Variants in PITRM1 observed in about 807,000 individuals in gnomAD.
PITRM1 encodes the protein pitrilysin metallopeptidase 1.
A neutral mutation model predicts 129.9 loss-of-function variants in PITRM1; 100 were observed. The observed-to-expected ratio is 0.77, with a 90% confidence interval of 0.65 to 0.91. The LOEUF (loss-of-function observed/expected upper bound fraction) is 0.91. Among genes scored for constraint, PITRM1 ranks in the 40% least tolerant of loss-of-function variants. The pLI is 0.00. For missense variants in PITRM1, 1,471 were observed against 1,318.3 expected (o/e 1.12, Z -1.79); for synonymous variants, 591 against 508.8 (o/e 1.16, Z -2.17).
chr10:3,162,470 G>A (rs1842534500), intron 7 of PITRM1, among the ~76,000 whole-genome samples: 1 of 152,160 alleles, frequency 6.6e-6, no homozygotes, highest in Non-Finnish European at 1.5e-5. Flanking sequence ...ATTATCACAG[G>A]ACACCAGAAA....
intron 2 of PITRM1, 54 bp downstream of exon 2, chr10:3,170,050 G>T: frequency 1.5e-6 from 2 of 1,344,918 alleles, no homozygotes; most frequent in Non-Finnish European, 2.1e-6. Context: ...TAGGCCAGAA[G>T]CCGCACCTGC....
chr10:3,172,590 G>A (rs1843482150), intron 1 of PITRM1, 127 bp downstream of exon 1: 2 of 844,852 alleles, frequency 2.4e-6, no homozygotes, highest in East Asian at 3.0e-5. Context: ...CGGGGTGCGG[G>A]ACGCCCACAG....
Position 3,157,468 on chromosome 10 carries a change from A to G in PITRM1, c.1314T>C (p.His438=). The G allele has an allele frequency of 6.2e-7, 1 of 1,611,188 alleles. No homozygotes were observed. The highest frequency in any genetic ancestry group is 8.5e-7 in the Non-Finnish European group (1 of 1,178,440). ...GCATCAGCCCAAAGCTGGTAGACTG[A>G]TGTTTCATCTGTATTTCAATTTTAT... The part of the protein sequence containing the change: ...LLHKIEIQMK[H]QSTSFGLMLT... The change falls in exon 12 of 27, where the codon CAT becomes CAC. Residue 438 remains histidine (H), a synonymous_variant. Transcript: ENST00000224949.
At chr10:3,168,241 A>G (rs1040946083) in intron 2 of PITRM1, among the ~76,000 whole-genome samples, 3 of 152,184 alleles carry the variant, frequency 2.0e-5, no homozygotes, top group Non-Finnish European at 4.4e-5. Flanking sequence ...TATGACCTGC[A>G]TCATCTACCG....
chr10:3,148,139 A>G (rs367993641), intron 17 of PITRM1, 32 bp downstream of exon 17: 1 of 1,613,768 alleles, frequency 6.2e-7, no homozygotes, highest in Non-Finnish European at 8.5e-7. Context: ...AAAGCTTCCC[A>G]CCGCAGCAGT....
At chr10:3,164,681 T>C (rs1221160041) in intron 6 of PITRM1, among the ~76,000 whole-genome samples, 1 of 152,248 alleles carries the variant, frequency 6.6e-6, no homozygotes, top group Non-Finnish European at 1.5e-5. Context: ...TTTTTCTATA[T>C]TCTAAATTAA....
At chr10:3,144,058 C>G (rs1023010961) in intron 22 of PITRM1, 6 of 585,594 alleles carry the variant, frequency 1.0e-5, no homozygotes, top group Non-Finnish European at 1.8e-5. Flanking sequence ...GCACCCCATA[C>G]CAGGGCCCTC....
At chr10:3,166,087 T>C (rs893480361) in intron 4 of PITRM1, 142 bp downstream of exon 4, 2 of 609,968 alleles carry the variant, frequency 3.3e-6, no homozygotes, top group South Asian at 5.5e-5. Flanking sequence ...AAATTTCTAA[T>C]GTCCTTCAAC....
Position 3,143,415 on chromosome 10 carries a change from G to A in PITRM1, c.2619C>T (p.Val873=). 1 of 1,612,204 alleles carries A rather than the reference G, an allele frequency of 6.2e-7. No homozygotes were observed. Residue 873 remains valine (V), a synonymous_variant, in exon 23 of 27, where the codon GTC becomes GTT. Coordinates refer to ENST00000224949, the MANE Select transcript of PITRM1 (RefSeq NM_014889.4). ...TGGCATGATCTGGGTCCGTGTAGGG[G>A]ACAGTTCGGATGCATTCACCCACGT... The part of the protein sequence containing the change: ...VNYVGECIRT[V]PYTDPDHASL...
chr10:3,160,109 C>T, intron 8 of PITRM1, 95 bp downstream of exon 8: 1 of 1,384,730 alleles, frequency 7.2e-7, no homozygotes, highest in East Asian at 2.4e-5. Context: ...CTGTACCAAA[C>T]ATGACAGCAT....
chr10:3,147,535 A>C (rs1209323420), intron 19 of PITRM1, 37 bp downstream of exon 19: 2 of 1,598,642 alleles, frequency 1.3e-6, no homozygotes, highest in Non-Finnish European at 1.7e-6. Flanking sequence ...ATATGTGGCT[A>C]AACCGGAGTA....
At position 3,149,942 on chromosome 10, in the gene PITRM1, C is replaced by T. The variant is rs80099368; in HGVS notation, c.1739-189G>A. On this transcript the variant is annotated intron_variant, in intron 15 of 26. Coordinates refer to ENST00000224949, the MANE Select transcript of PITRM1 (RefSeq NM_014889.4). ...GGAACTGTCTTCAATAGTAAAGCAACCCGTGCTCTCCAAGGAATGGGAACG... is the reference window on the plus strand; with the variant it reads ...GGAACTGTCTTCAATAGTAAAGCAATCCGTGCTCTCCAAGGAATGGGAACG... 6.9e-3 allele frequency among the ~76,000 whole-genome samples: 1,052 copies of T among 152,258 alleles called. 5 individuals carry two copies. Among genetic ancestry groups the T allele is most frequent in the Middle Eastern group, 0.031 (9 of 294 alleles).
intron 13 of PITRM1, among the ~76,000 whole-genome samples, chr10:3,156,447 C>T (rs938279300): frequency 6.6e-6 from 1 of 152,190 alleles, no homozygotes; most frequent in Non-Finnish European, 1.5e-5. Context: ...AGTTTCCCTT[C>T]ACAGCAGACA....
chr10:3,147,974 C>A lies in PITRM1; in HGVS notation c.2069+13G>T, dbSNP rs59486411. ...ACACCCCAAGAATGGACAACTCTTG[C>A]AAATAAAGTTACTTGTTAAATATTT... On this transcript the variant is annotated intron_variant, in intron 18 of 26. Coordinates refer to ENST00000224949, the MANE Select transcript of PITRM1 (RefSeq NM_014889.4). The A allele has an allele frequency of 0.17, 268,204 of 1,592,552 alleles. 23,684 individuals are homozygous for A. The highest frequency in any genetic ancestry group is 0.18 in the Non-Finnish European group (208,995 of 1,160,394).
At chr10:3,141,925 G>A (rs1306726500) in intron 23 of PITRM1, among the ~76,000 whole-genome samples, 1 of 152,194 alleles carries the variant, frequency 6.6e-6, no homozygotes, top group Non-Finnish European at 1.5e-5. Context: ...GACCCTGGGG[G>A]ACGGAGTCTC....
intron 7 of PITRM1, among the ~76,000 whole-genome samples, 167 bp from the exon 8 acceptor site, chr10:3,160,497 C>A (rs936220975): frequency 6.6e-6 from 1 of 152,138 alleles, no homozygotes; most frequent in Admixed American, 6.5e-5. Context: ...CACGGTACTT[C>A]GAGAGACCAA....
At chr10:3,164,343 T>TG (rs1021568961) in intron 6 of PITRM1, 1 of 152,892 alleles carries the variant, frequency 6.5e-6, no homozygotes, top group Non-Finnish European at 1.5e-5. Flanking sequence ...AGGCCACCCA[T>TG]GAGCCTCAGG....
intron 1 of PITRM1, among the ~76,000 whole-genome samples, chr10:3,170,800 A>G (rs1028217787): frequency 3.9e-5 from 6 of 152,090 alleles, no homozygotes; most frequent in Non-Finnish European, 4.4e-5. Context: ...GTTCGAGACC[A>G]GCCTGGCCAA....
rs747777908 is a variant in PITRM1 at position 3,158,938 on chromosome 10, C to A, written c.1112G>T (p.Gly371Val). 2.5e-6 allele frequency: 4 copies of A among 1,613,400 alleles called. No individual in the cohort carries two copies. The South Asian group carries it at 4.4e-5, about 18-fold the overall frequency. ...CCCAACATCAGGAGAAAAGTCTGTG[C>A]CAAGGCCAGATTCAATCAAGGCTTT... Reference protein sequence around the residue: ...FYKALIESGLGTDFSPDVGYN... With the variant: ...FYKALIESGLVTDFSPDVGYN... The change falls in exon 10 of 27, where the codon GGC becomes GTC. Residue 371 changes from glycine to valine, a missense_variant. Transcript: ENST00000224949.
Sources: gnomAD v4.1 joint callset for allele counts (sites outside exome capture counted in the v4.1 genomes callset) on GRCh38, gnomAD v4.1.1 for gene constraint, MANE v1.5 for transcripts, NCBI Gene and HGNC (gene_info 2026-07-23, HGNC 2026-07-21) for gene names.